The following TRMT11 variants were observed in gnomAD, a reference collection of about 807,000 sequenced individuals.
TRMT11 encodes tRNA (guanine(10)-N(2))-methyltransferase TRMT11.
Under a neutral mutation model 62.8 loss-of-function variants are expected in TRMT11, and 53 were observed. The ratio of observed to expected loss-of-function variants is 0.84; its 90% confidence interval spans 0.68 to 1.06. The LOEUF (loss-of-function observed/expected upper bound fraction) is 1.06. Among genes scored for constraint, TRMT11 ranks in the 50% least tolerant of loss-of-function variants. TRMT11 has a pLI of 0.00. For missense variants in TRMT11, 556 were observed against 553.4 expected (o/e 1.00, Z -0.05); for synonymous variants, 188 against 190.3 (o/e 0.99, Z 0.10).
At chr6:126,032,415 A>G (rs190344045) in intron 12 of TRMT11, among the ~76,000 whole-genome samples, 4 of 152,148 alleles carry the variant, frequency 2.6e-5, no homozygotes, top group Admixed American at 2.6e-4. Flanking sequence ...ACCAGTTGTT[A>G]TCCACCCTGG....
At chr6:126,163,947 G>A (rs186389899) in intron 21 of TRMT11, among the ~76,000 whole-genome samples, 193 of 152,086 alleles carry the variant, frequency 1.3e-3, no homozygotes, top group Admixed American at 1.8e-3. Flanking sequence ...TTGATTTTTC[G>A]AAGGGTTTTT....
chr6:126,182,749 G>T (rs113554976), intron 1 of TRMT11, among the ~76,000 whole-genome samples: 2 of 152,022 alleles, frequency 1.3e-5, no homozygotes, highest in African/African-American at 4.8e-5. Flanking sequence ...GATTATTTTT[G>T]GAACTTAGGA....
intron 17 of TRMT11, among the ~76,000 whole-genome samples, chr6:126,085,571 A>G (rs1777207223): frequency 6.6e-6 from 1 of 152,148 alleles, no homozygotes; most frequent in Non-Finnish European, 1.5e-5. Context: ...TCTTCCATGT[A>G]CTCATGAAGA....
downstream of TRMT11, among the ~76,000 whole-genome samples, chr6:126,042,066 G>T (rs1269518021): frequency 6.6e-6 from 1 of 152,166 alleles, no homozygotes; most frequent in African/African-American, 2.4e-5. Context: ...ACAGCAGACT[G>T]ATGGTGTTTG....
chr6:126,124,633 C>T (rs1777693487), intron 21 of TRMT11, among the ~76,000 whole-genome samples: 2 of 152,132 alleles, frequency 1.3e-5, no homozygotes, highest in South Asian at 4.2e-4. Context: ...CTGTCACTGG[C>T]ATAAGAACAT....
the TRMT11 span, among the ~76,000 whole-genome samples, chr6:126,239,079 T>G: frequency 1.3e-5 from 2 of 152,184 alleles, no homozygotes; most frequent in African/African-American, 4.8e-5. Context: ...TCTTCCTCCA[T>G]CCATTTATTT....
At chr6:126,092,535 G>C (rs959986660) in intron 17 of TRMT11, among the ~76,000 whole-genome samples, 4 of 152,166 alleles carry the variant, frequency 2.6e-5, no homozygotes, top group African/African-American at 9.7e-5. Context: ...TGGGAATTAT[G>C]GGAGCTACAA....
At chr6:126,010,761 A>G (rs965655487) in intron 8 of TRMT11, among the ~76,000 whole-genome samples, 2 of 152,108 alleles carry the variant, frequency 1.3e-5, no homozygotes. Context: ...TCTCCTAAAC[A>G]AGGAACTTAC....
chr6:126,123,400 C>T (rs899064925), intron 21 of TRMT11, among the ~76,000 whole-genome samples: 1 of 152,044 alleles, frequency 6.6e-6, no homozygotes, highest in Non-Finnish European at 1.5e-5. Flanking sequence ...GAAAAAGTTG[C>T]CAGACGCCAG....
chr6:126,066,963 G>A (rs111365797), intron 17 of TRMT11, among the ~76,000 whole-genome samples: 34 of 151,216 alleles, frequency 2.2e-4, no homozygotes, highest in African/African-American at 7.3e-4. Context: ...AGTGGCTCAC[G>A]CCTGTAATCC....
At chr6:126,246,781 C>T in the TRMT11 span, among the ~76,000 whole-genome samples, 3 of 152,094 alleles carry the variant, frequency 2.0e-5, no homozygotes, top group Non-Finnish European at 4.4e-5. Context: ...TCTATTCTCC[C>T]TCCATAAATC....
chr6:126,180,198 A>G (rs1177063353), intron 1 of TRMT11, among the ~76,000 whole-genome samples: 1 of 152,186 alleles, frequency 6.6e-6, no homozygotes, highest in Non-Finnish European at 1.5e-5. Flanking sequence ...TTATTTGGTC[A>G]TCTTAGATGA....
In TRMT11 at chr6:126,193,876, T is replaced by G. The variant is rs1017912417; in HGVS notation, n.144-4923T>G. ...ATTTCATGGTACAGTATGTTGTGTT[T>G]CATTTGAATTTTATTCAAAAAATTT... is the stretch of plus-strand genomic sequence containing the variant. On this transcript the variant is annotated intron_variant and non_coding_transcript_variant, in intron 1 of 3. Transcript: ENST00000444229. Among the ~76,000 whole-genome samples the G allele has an allele frequency of 9.2e-5, 14 of 152,296 alleles. No individual in the cohort carries two copies. In the South Asian group the frequency reaches 2.7e-3, roughly 29 times the overall value.
intron 21 of TRMT11, among the ~76,000 whole-genome samples, chr6:126,162,929 A>G (rs1360413988): frequency 1.3e-5 from 2 of 152,166 alleles, no homozygotes; most frequent in Non-Finnish European, 2.9e-5. Flanking sequence ...ACTTTGCTGA[A>G]ATTGCTTATC....
At chr6:126,204,763 A>G (rs568588941), downstream of TRMT11, among the ~76,000 whole-genome samples, 1 of 152,208 alleles carries the variant, frequency 6.6e-6, no homozygotes, top group Non-Finnish European at 1.5e-5. Flanking sequence ...GTGCAGTACT[A>G]TGTATTAACT....
chr6:126,193,611 G>A lies in TRMT11; in HGVS notation n.144-5188G>A, dbSNP rs977717417. ...AGGTTCACGCCATTCTCCTGCCTCA[G>A]CCTCCCGAGTAGCTGGGACCACAGG... On this transcript the variant is annotated intron_variant and non_coding_transcript_variant, in intron 1 of 3. Transcript: ENST00000444229. Among the ~76,000 whole-genome samples the A allele has an allele frequency of 3.4e-5, 5 of 147,492 alleles. No individual in the cohort carries two copies. The Admixed American group carries it at 3.5e-4, about 10-fold the overall frequency.
chr6:126,059,221 C>A lies in TRMT11; in HGVS notation c.*1437+6031C>A, dbSNP rs530397686. On this transcript the variant is annotated intron_variant and NMD_transcript_variant, in intron 17 of 22. Transcript: ENST00000648977. ...TTATTAGGACACTTAGTCTCCCTGT[C>A]AATGCCCAGGAGTTGGAACAAATAA... Among the ~76,000 whole-genome samples the A allele has an allele frequency of 2.0e-5, 3 of 152,118 alleles. 1 individual carries two copies. Among genetic ancestry groups the A allele is most frequent in the Middle Eastern group, 6.8e-3 (2 of 294 alleles).
At chr6:126,011,494 C>A in intron 9 of TRMT11, 77 bp downstream of exon 9, 1 of 1,256,228 alleles carries the variant, frequency 8.0e-7, no homozygotes, top group Non-Finnish European at 1.1e-6. Flanking sequence ...CAAAATTTAC[C>A]AACACATGCA....
intron 11 of TRMT11, among the ~76,000 whole-genome samples, chr6:126,018,222 A>G (rs1795271338): frequency 6.6e-6 from 1 of 152,218 alleles, no homozygotes; most frequent in Admixed American, 6.5e-5. Context: ...GATTGTAGTA[A>G]GGTGAACTTT....
Sources: allele counts gnomAD v4.1 joint callset (sites outside exome capture counted in the v4.1 genomes callset), GRCh38; gene constraint gnomAD v4.1.1; transcripts MANE v1.5; gene names NCBI Gene and HGNC (gene_info 2026-07-23, HGNC 2026-07-21).